Variants in PLCXD3 observed in about 807,000 individuals in gnomAD.
PLCXD3 encodes the protein PI-PLC X domain-containing protein 3.
Under a neutral mutation model 25.5 loss-of-function variants are expected in PLCXD3, and 19 were observed. The ratio of observed to expected loss-of-function variants is 0.75; its 90% CI spans 0.52 to 1.09. The LOEUF is 1.09. PLCXD3 is among the 50% of genes least tolerant of loss of function. PLCXD3 has a pLI of 0.00. For missense variants in PLCXD3, 411 were observed against 388.1 expected (o/e 1.06, Z -0.50); for synonymous variants, 174 against 137.6 (o/e 1.26, Z -1.85).
At chr5:41,488,257 C>T (rs1219602557) in intron 1 of PLCXD3, among the ~76,000 whole-genome samples, 1 of 145,524 alleles carries the variant, frequency 6.9e-6, no homozygotes, top group Non-Finnish European at 1.5e-5. Flanking sequence ...AGGACATGAA[C>T]TCATCATTTT....
chr5:41,344,021 A>G (rs1181052287), intron 2 of PLCXD3, among the ~76,000 whole-genome samples: 8 of 152,112 alleles, frequency 5.3e-5, no homozygotes, highest in Non-Finnish European at 8.8e-5. Context: ...GGCATCTATG[A>G]TTCTCCATTA....
chr5:41,501,713 A>G (rs1013368758), intron 1 of PLCXD3, among the ~76,000 whole-genome samples: 1 of 120,730 alleles, frequency 8.3e-6, no homozygotes, highest in African/African-American at 4.0e-5. Flanking sequence ...TTACCACAAT[A>G]AAAAAAATAA....
chr5:41,470,679 A>G (rs1410461559), intron 1 of PLCXD3, among the ~76,000 whole-genome samples: 1 of 152,112 alleles, frequency 6.6e-6, no homozygotes, highest in African/African-American at 2.4e-5. Flanking sequence ...AAAAATGTCT[A>G]CTCTTCTATT....
chr5:41,426,964 C>G (rs1005077956), intron 1 of PLCXD3, among the ~76,000 whole-genome samples: 16 of 152,036 alleles, frequency 1.1e-4, no homozygotes, highest in Non-Finnish European at 2.9e-5. Flanking sequence ...CTTTTCTGAT[C>G]ACTAATGATT....
chr5:41,350,868 T>C lies in PLCXD3; in HGVS notation c.812+30958A>G, dbSNP rs76121354. 1.1e-3 allele frequency among the ~76,000 whole-genome samples: 164 copies of C among 152,298 alleles called. 2 individuals are homozygous for C. The highest frequency in any genetic ancestry group is 0.01 in the Middle Eastern group (3 of 294). ...TTATGTCTTTGTTTTTTGTTTCCTG[T>C]TTGTAGAATCTGGGACTGGTAACAT... is the stretch of plus-strand genomic sequence containing the variant. On this transcript the variant is annotated intron_variant, in intron 2 of 2. Transcript: ENST00000377801.
intron 1 of PLCXD3, among the ~76,000 whole-genome samples, chr5:41,399,405 T>C (rs1746110360): frequency 1.3e-5 from 2 of 151,708 alleles, no homozygotes; most frequent in African/African-American, 4.8e-5. Flanking sequence ...CAAGCAAAAA[T>C]TACAAAACTG....
intron 1 of PLCXD3, among the ~76,000 whole-genome samples, chr5:41,458,023 C>A (rs1349034383): frequency 1.3e-5 from 2 of 151,788 alleles, no homozygotes; most frequent in East Asian, 3.9e-4. Flanking sequence ...GAGAATCAAC[C>A]ATCATTATGG....
At chr5:41,317,617 C>T (rs751310463) in intron 2 of PLCXD3, among the ~76,000 whole-genome samples, 1 of 151,652 alleles carries the variant, frequency 6.6e-6, no homozygotes, top group East Asian at 1.9e-4. Context: ...AGGTTCAAGA[C>T]AACACAGAGA....
chr5:41,491,689 TG>T (rs777817419), intron 1 of PLCXD3, among the ~76,000 whole-genome samples: 1 of 152,138 alleles, frequency 6.6e-6, no homozygotes, highest in South Asian at 2.1e-4. Context: ...CATTATGTAA[TG>T]TCCTTCTTTG....
chr5:41,428,136 A>G (rs1030311729), intron 1 of PLCXD3, among the ~76,000 whole-genome samples: 15 of 152,098 alleles, frequency 9.9e-5, no homozygotes, highest in African/African-American at 3.1e-4. Flanking sequence ...TACCCCAACT[A>G]TCATGGCATA....
intron 1 of PLCXD3, among the ~76,000 whole-genome samples, chr5:41,396,193 A>T (rs193249793): frequency 9.2e-5 from 14 of 152,224 alleles, no homozygotes; most frequent in Admixed American, 9.2e-4. Context: ...TTAATTCCCA[A>T]TGTTAGGGGA....
chr5:41,476,713 C>T, intron 1 of PLCXD3, among the ~76,000 whole-genome samples: 1 of 152,174 alleles, frequency 6.6e-6, no homozygotes. Context: ...TGACCATATG[C>T]TGAGTCCTGT....
At chr5:41,416,905 C>G (rs1458768626) in intron 1 of PLCXD3, among the ~76,000 whole-genome samples, 2 of 152,074 alleles carry the variant, frequency 1.3e-5, no homozygotes, top group African/African-American at 4.8e-5. Flanking sequence ...AGTTTGCAAC[C>G]AGGAATGAGA....
intron 2 of PLCXD3, among the ~76,000 whole-genome samples, chr5:41,370,560 GC>G (rs1561248724): frequency 6.6e-6 from 1 of 152,024 alleles, no homozygotes; most frequent in African/African-American, 2.4e-5. Flanking sequence ...GCAACTCCTT[GC>G]CCTTTTATCT....
At chr5:41,510,391 C>T (rs756509717) in intron 1 of PLCXD3, 33 bp downstream of exon 1, 3 of 1,559,850 alleles carry the variant, frequency 1.9e-6, no homozygotes, top group Middle Eastern at 1.7e-4. Flanking sequence ...GAGCGGGCGC[C>T]GAGCGCCTAG....
rs542588654 is a variant in PLCXD3 at position 41,510,441 on chromosome 5, G to A, written c.86C>T (p.Thr29Ile). Residue 29 changes from threonine (T) to isoleucine (I), a missense_variant, in exon 1 of 3, where the codon ACC (threonine) becomes ATC (isoleucine). By Grantham distance (89) the Thr-to-Ile change is moderately conservative (BLOSUM62 -1). Transcript: ENST00000377801. ...LPESMHSIPL[T>I]NLAIPGSHDS... ...GCGCCTACCTGGAATGGCTAAATTG[G>A]TGAGGGGGATGCTGTGCATGCTCTC... The A allele has an allele frequency of 6.2e-7, 1 of 1,609,402 alleles. No individual in the cohort carries two copies. Among genetic ancestry groups the A allele is most frequent in the Non-Finnish European group, 8.5e-7 (1 of 1,177,878 alleles).
chr5:41,378,031 C>T (rs1745348309), intron 2 of PLCXD3, among the ~76,000 whole-genome samples: 3 of 152,150 alleles, frequency 2.0e-5, no homozygotes, highest in South Asian at 4.1e-4. Flanking sequence ...GAATGAATGG[C>T]TTTTGCACAA....
intron 2 of PLCXD3, among the ~76,000 whole-genome samples, chr5:41,347,523 C>T (rs1217994231): frequency 6.6e-6 from 1 of 152,212 alleles, no homozygotes; most frequent in East Asian, 1.9e-4. Context: ...GCCAATCTTT[C>T]TCACTTAATT....
At chr5:41,424,235 T>C (rs1379749552) in intron 1 of PLCXD3, among the ~76,000 whole-genome samples, 2 of 152,158 alleles carry the variant, frequency 1.3e-5, no homozygotes, top group Non-Finnish European at 2.9e-5. Context: ...TCTTTTCTAA[T>C]ATATACATAA....
Sources: gnomAD v4.1 joint callset for allele counts (sites outside exome capture counted in the v4.1 genomes callset) on GRCh38, gnomAD v4.1.1 for gene constraint, MANE v1.5 for transcripts, NCBI Gene and HGNC (gene_info 2026-07-23, HGNC 2026-07-21) for gene names.